Variants in COL6A6 observed in about 807,000 individuals in gnomAD.
COL6A6 encodes collagen type VI alpha 6 chain.
In COL6A6, 183 loss-of-function variants were observed where a neutral mutation model predicts 208.6. The observed-to-expected ratio is 0.88, with a 90% confidence interval of 0.78 to 0.99. The LOEUF is 0.99. Among genes scored for constraint, COL6A6 ranks in the 50% least tolerant of loss-of-function variants. The pLI, the probability that COL6A6 is intolerant of heterozygous loss-of-function variation, is 0.00. For missense variants in COL6A6, 2,816 were observed against 2,815.2 expected (o/e 1.00, Z -0.01); for synonymous variants, 973 against 1,011.8 (o/e 0.96, Z 0.73).
At chr3:130,672,596 G>T (rs1390621864) in intron 36 of COL6A6, among the ~76,000 whole-genome samples, 2 of 151,804 alleles carry the variant, frequency 1.3e-5, no homozygotes, top group African/African-American at 4.8e-5. Context: ...AGAGACAGGG[G>T]TTTTACCATG....
At chr3:130,621,324 A>G (rs1030207694) in intron 23 of COL6A6, among the ~76,000 whole-genome samples, 1 of 152,178 alleles carries the variant, frequency 6.6e-6, no homozygotes, top group Non-Finnish European at 1.5e-5. Flanking sequence ...CAGAATATTT[A>G]TCTTATGCTA....
chr3:130,634,230 T>TAAA (rs1241375395), intron 26 of COL6A6, among the ~76,000 whole-genome samples: 1 of 67,946 alleles, frequency 1.5e-5, no homozygotes, highest in Non-Finnish European at 4.2e-5. Context: ...AATAAATAAA[T>TAAA]AAATAAATAA....
chr3:130,579,720 G>C (rs182092985), intron 8 of COL6A6, among the ~76,000 whole-genome samples: 1 of 152,056 alleles, frequency 6.6e-6, no homozygotes. Flanking sequence ...GTCCTTTCAA[G>C]TCACCAATGG....
intron 1 of COL6A6, 32 bp from the exon 2 acceptor site, chr3:130,560,302 A>C: frequency 7.4e-7 from 1 of 1,360,102 alleles, no homozygotes; most frequent in Non-Finnish European, 1.0e-6. Flanking sequence ...AATAATATCC[A>C]CAACAATTTG....
chr3:130,567,349 A>G (rs1262617314), intron 5 of COL6A6, 87 bp downstream of exon 5: 1 of 1,014,738 alleles, frequency 9.9e-7, no homozygotes, highest in Non-Finnish European at 1.4e-6. Context: ...TAGAAAAACA[A>G]CATAAATTAC....
At chr3:130,519,755 C>A (rs1710956721) in intron 1 of COL6A6, among the ~76,000 whole-genome samples, 1 of 152,150 alleles carries the variant, frequency 6.6e-6, no homozygotes, top group South Asian at 2.1e-4. Context: ...ATGCCAAGCA[C>A]AAGTGCTCAA....
chr3:130,556,277 A>T (rs908780990), intron 1 of COL6A6, among the ~76,000 whole-genome samples: 1 of 152,210 alleles, frequency 6.6e-6, no homozygotes, highest in African/African-American at 2.4e-5. Context: ...ATTTATCTTC[A>T]TGAGTGAAAT....
rs759591819 is a variant in COL6A6, at chr3:130,574,216, G to A, written c.3238G>A (p.Gly1080Ser). 6.2e-5 allele frequency: 100 copies of A among 1,613,864 alleles called. No individual in the cohort carries two copies. In the South Asian group the frequency reaches 9.6e-4, roughly 15 times the overall value. ...GCAGATCTTTGGAAACACACACATC[G>A]GTGCTGCACTCAGGGAGGTGGAACA... ...IKQIFGNTHIGAALREVEHYF... is the reference protein window; with the variant it reads ...IKQIFGNTHISAALREVEHYF... Residue 1080 changes from glycine to serine, a missense_variant, in exon 8 of 37, where the codon GGT becomes AGT. Coordinates refer to ENST00000358511, the MANE Select transcript of COL6A6 (RefSeq NM_001102608.3).
chr3:130,640,749 TAAC>T (rs796131013), intron 28 of COL6A6, among the ~76,000 whole-genome samples: 18 of 152,364 alleles, frequency 1.2e-4, no homozygotes, highest in African/African-American at 4.1e-4. Context: ...AGTAAGCAGA[TAAC>T]AACTGTTTTT....
Position 130,627,258 on chromosome 3 carries a change from A to T in COL6A6, c.4942-61A>T, listed in dbSNP as rs2064917519. On this transcript the variant is annotated intron_variant, in intron 25 of 36. Coordinates refer to ENST00000358511, the MANE Select transcript of COL6A6 (RefSeq NM_001102608.3). ...AAAAGCTGGCAATGTTGTCCTCTTGAAGAATAAGCCTGTCTCTATCTGTAG... is the reference window on the plus strand; with the variant it reads ...AAAAGCTGGCAATGTTGTCCTCTTGTAGAATAAGCCTGTCTCTATCTGTAG... The T allele has an allele frequency of 9.3e-6, 14 of 1,500,122 alleles. No homozygotes were observed. The Admixed American group carries it at 2.4e-4, about 25-fold the overall frequency. The allele number at this position is 1,500,122 out of a possible 1,614,324, so 92.9% of individuals were successfully genotyped here. A position where few individuals can be genotyped will look rare whatever the true frequency, so the allele number is the denominator to read the frequency against.
intron 23 of COL6A6, among the ~76,000 whole-genome samples, chr3:130,617,866 C>T (rs2064580381): frequency 6.6e-6 from 1 of 152,154 alleles, no homozygotes; most frequent in Admixed American, 6.5e-5. Flanking sequence ...TGGCAATGCC[C>T]CAACCATTAA....
intron 33 of COL6A6, among the ~76,000 whole-genome samples, chr3:130,653,284 G>A (rs529173133): frequency 2.1e-4 from 32 of 152,158 alleles, no homozygotes; most frequent in Non-Finnish European, 3.2e-4. Flanking sequence ...GTGTGGCGTC[G>A]CAGCTAAGAG....
chr3:130,587,623 A>G lies in COL6A6; in HGVS notation c.4125+963A>G, dbSNP rs896917209. Among the ~76,000 whole-genome samples, 6 of 152,362 alleles carry G rather than the reference A, an allele frequency of 3.9e-5. No homozygotes were observed. In the East Asian group the frequency reaches 1.2e-3, roughly 29 times the overall value. On this transcript the variant is annotated intron_variant, in intron 11 of 36. Transcript: ENST00000358511. Reference sequence around the variant, plus strand: ...GCAAGCTCTGTGTGGCTCTACTTCTACTTTAATGAATTGCTAGTAATTTTG... The same window carrying G: ...GCAAGCTCTGTGTGGCTCTACTTCTGCTTTAATGAATTGCTAGTAATTTTG...
intron 20 of COL6A6, among the ~76,000 whole-genome samples, chr3:130,602,018 C>T (rs1223649561): frequency 6.6e-6 from 1 of 152,104 alleles, no homozygotes; most frequent in Admixed American, 6.5e-5. Flanking sequence ...AGGGAATATA[C>T]ACATAGGGCC....
chr3:130,659,875 T>C (rs2065895278), intron 34 of COL6A6, among the ~76,000 whole-genome samples: 1 of 152,228 alleles, frequency 6.6e-6, no homozygotes. Context: ...GGTCTTCTAA[T>C]AACCCCTCTT....
At chr3:130,622,591 C>T (rs959537520) in intron 24 of COL6A6, among the ~76,000 whole-genome samples, 3 of 152,144 alleles carry the variant, frequency 2.0e-5, no homozygotes, top group East Asian at 1.9e-4. Context: ...GGCGTGGTGG[C>T]TCACGCCTGT....
chr3:130,657,982 T>TC (rs1184032336), intron 33 of COL6A6, among the ~76,000 whole-genome samples: 2 of 152,156 alleles, frequency 1.3e-5, no homozygotes, highest in East Asian at 1.9e-4. Context: ...CTCCTTATCT[T>TC]CCCCCTGTTC....
chr3:130,556,041 C>G (rs116079446), intron 1 of COL6A6, among the ~76,000 whole-genome samples: 6 of 152,136 alleles, frequency 3.9e-5, no homozygotes, highest in Admixed American at 3.9e-4. Flanking sequence ...CTGCAACCCT[C>G]CTGCCCTTCT....
chr3:130,571,226 G>T lies in COL6A6; in HGVS notation c.2810G>T (p.Arg937Leu), dbSNP rs372152442. The T allele has an allele frequency of 1.2e-6, 2 of 1,613,844 alleles. No individual in the cohort carries two copies. Among genetic ancestry groups the T allele is most frequent in the African/African-American group, 2.7e-5 (2 of 74,940 alleles). ...DKLNATAKAL[R>L]DKGILVLAVG... ...CTCAATGCCACGGCAAAGGCCTTGC[G>T]GGACAAAGGCATTCTTGTCCTGGCT... The change falls in exon 7 of 37, where the codon CGG (arginine) becomes CTG (leucine). Residue 937 changes from arginine to leucine, a missense_variant. By Grantham distance (102) the Arg-to-Leu change is moderately radical. Coordinates refer to ENST00000358511, the MANE Select transcript of COL6A6 (RefSeq NM_001102608.3).
Sources: allele counts gnomAD v4.1 joint callset (sites outside exome capture counted in the v4.1 genomes callset), GRCh38; gene constraint gnomAD v4.1.1; transcripts MANE v1.5; gene names NCBI Gene and HGNC (gene_info 2026-07-23, HGNC 2026-07-21).